SND1: variants seen among roughly 807,000 people sequenced by gnomAD.
SND1 encodes staphylococcal nuclease domain-containing protein 1.
In SND1, 38 loss-of-function variants were observed where a neutral mutation model predicts 121.7. The ratio of observed to expected loss-of-function variants is 0.31; its 90% confidence interval spans 0.24 to 0.41. The LOEUF (loss-of-function observed/expected upper bound fraction) is 0.41. SND1 is among the 10% of genes least tolerant of loss of function. The pLI is 1.00. For missense variants in SND1, 868 were observed against 1,184.6 expected, an observed-to-expected ratio of 0.73 and a Z score of 3.92; for synonymous variants, 401 against 447.4, an observed-to-expected ratio of 0.90 and a Z score of 1.31.
chr7:127,666,156 A>C (rs1045024580), intron 1 of SND1, among the ~76,000 whole-genome samples: 1 of 152,212 alleles, frequency 6.6e-6, no homozygotes, highest in African/African-American at 2.4e-5. Flanking sequence ...TCAGCAGGAC[A>C]CAGGTCCAGC....
chr7:128,036,380 G>C (rs940315231), intron 16 of SND1, among the ~76,000 whole-genome samples: 1 of 152,176 alleles, frequency 6.6e-6, no homozygotes, highest in African/African-American at 2.4e-5. Flanking sequence ...AGTCATAAAG[G>C]GAATGGATTT....
chr7:127,872,286 T>C (rs1485659633), intron 12 of SND1, among the ~76,000 whole-genome samples: 2 of 152,208 alleles, frequency 1.3e-5, no homozygotes, highest in Non-Finnish European at 2.9e-5. Flanking sequence ...AGAACCCATA[T>C]CCTCTGCTCT....
At chr7:127,722,394 C>A (rs992560995) in intron 10 of SND1, among the ~76,000 whole-genome samples, 2 of 151,656 alleles carry the variant, frequency 1.3e-5, no homozygotes, top group African/African-American at 4.8e-5. Flanking sequence ...TCATTGCGCC[C>A]TGCAACTTCA....
At chr7:128,046,987 TA>T (rs1263960307) in intron 16 of SND1, among the ~76,000 whole-genome samples, 5 of 152,242 alleles carry the variant, frequency 3.3e-5, no homozygotes, top group African/African-American at 9.6e-5. Flanking sequence ...AGTGTGTTGA[TA>T]AAGAAATACA....
At chr7:127,939,176 C>G (rs1394439862) in intron 15 of SND1, among the ~76,000 whole-genome samples, 2 of 152,154 alleles carry the variant, frequency 1.3e-5, no homozygotes, top group East Asian at 3.8e-4. Context: ...CAGGTACTGA[C>G]CCAGCCCAAG....
intron 14 of SND1, among the ~76,000 whole-genome samples, chr7:127,911,881 C>T (rs528448778): frequency 6.6e-6 from 1 of 152,238 alleles, no homozygotes; most frequent in Non-Finnish European, 1.5e-5. Flanking sequence ...CTTGATTCTG[C>T]CAGAGAGTTG....
At chr7:127,745,113 G>A (rs1562998381) in intron 10 of SND1, among the ~76,000 whole-genome samples, 2 of 152,168 alleles carry the variant, frequency 1.3e-5, no homozygotes, top group East Asian at 1.9e-4. Context: ...ATTGCCCAAC[G>A]ATGGGGATAC....
chr7:127,793,528 T>G (rs1249892314), intron 10 of SND1, among the ~76,000 whole-genome samples: 1 of 152,124 alleles, frequency 6.6e-6, no homozygotes, highest in African/African-American at 2.4e-5. Flanking sequence ...GGAGTTAGGT[T>G]AGGGTGCCAG....
chr7:127,818,428 T>G (rs1480345631), intron 11 of SND1, among the ~76,000 whole-genome samples: 1 of 152,188 alleles, frequency 6.6e-6, no homozygotes, highest in Non-Finnish European at 1.5e-5. Context: ...TAATAGGCAA[T>G]AAATACTATT....
chr7:128,092,285 G>C lies in SND1; in HGVS notation c.*227G>C, dbSNP rs1793795357. The C allele has an allele frequency of 3.9e-6, 2 of 518,662 alleles. No homozygotes were observed. The highest frequency in any genetic ancestry group is 4.9e-4 in the Middle Eastern group (1 of 2,024). 32.1% of individuals were successfully genotyped at this position (518,662 alleles called of 1,614,324 possible). A position where few individuals can be genotyped will look rare whatever the true frequency, so the allele number is the denominator to read the frequency against. ...GGGATGATGGGCACTGCTATCCACA[G>C]TCTCTGCCAGTTGGTTTTATTTGGA... On this transcript the variant is annotated 3_prime_UTR_variant, in exon 24 of 24. Transcript: ENST00000354725. This position sits in a 1 kb window ranked among gnomAD's most constrained non-coding sequence, Gnocchi z 4.9.
intron 12 of SND1, chr7:127,858,572 G>A (rs1025583912): frequency 2.6e-6 from 1 of 379,820 alleles, no homozygotes; most frequent in Admixed American, 3.8e-5. Context: ...TAGCAACACT[G>A]ACATTGGGTT....
chr7:127,953,267 C>T (rs1385949454), intron 15 of SND1, among the ~76,000 whole-genome samples: 1 of 150,198 alleles, frequency 6.7e-6, no homozygotes, highest in East Asian at 2.0e-4. Context: ...TTTGATTCCT[C>T]GCCTGCCAAC....
At chr7:128,003,570 C>T (rs1409987538) in intron 16 of SND1, among the ~76,000 whole-genome samples, 1 of 152,204 alleles carries the variant, frequency 6.6e-6, no homozygotes, top group Non-Finnish European at 1.5e-5. Flanking sequence ...TTTCACTTCA[C>T]ACATCTCTAT....
intron 15 of SND1, among the ~76,000 whole-genome samples, chr7:127,989,749 G>A (rs1802479386): frequency 6.6e-6 from 1 of 152,136 alleles, no homozygotes; most frequent in Non-Finnish European, 1.5e-5. Flanking sequence ...TATGTCTCTA[G>A]CCCAGTTCCA....
chr7:127,779,738 A>C (rs151167055), intron 10 of SND1, among the ~76,000 whole-genome samples: 2 of 152,326 alleles, frequency 1.3e-5, no homozygotes, highest in East Asian at 3.9e-4. Context: ...AAGTTCGCCA[A>C]ACTGGATTGT....
At chr7:128,008,259 G>A (rs1803031250) in intron 16 of SND1, 1 of 152,180 alleles carries the variant, frequency 6.6e-6, no homozygotes, top group Admixed American at 6.5e-5. Flanking sequence ...CTCCTAGACA[G>A]GGTTGCAAAG....
intron 14 of SND1, among the ~76,000 whole-genome samples, chr7:127,914,631 G>A (rs1350623834): frequency 1.3e-5 from 2 of 152,186 alleles, no homozygotes; most frequent in Admixed American, 1.3e-4. Context: ...CAAACAGCAT[G>A]AACTTGTATT....
intron 15 of SND1, among the ~76,000 whole-genome samples, chr7:127,964,398 T>G (rs1401055785): frequency 6.8e-6 from 1 of 147,048 alleles, no homozygotes; most frequent in Non-Finnish European, 1.5e-5. Context: ...GTCTAACGTT[T>G]AAATCTTTAA....
At chr7:128,045,119 T>C (rs1792924156) in intron 16 of SND1, among the ~76,000 whole-genome samples, 1 of 152,328 alleles carries the variant, frequency 6.6e-6, no homozygotes, top group South Asian at 2.1e-4. Flanking sequence ...TTGTAAAGAA[T>C]TGGAGTAGTT....
Sources: allele counts gnomAD v4.1 joint callset (sites outside exome capture counted in the v4.1 genomes callset), GRCh38; gene constraint gnomAD v4.1.1; non-coding constraint Gnocchi (gnomAD v3.1); transcripts MANE v1.5; gene names NCBI Gene and HGNC (gene_info 2026-07-23, HGNC 2026-07-21).